The following CELF2 variants were observed in gnomAD, a reference collection of about 807,000 sequenced individuals.
CELF2 encodes the protein CUGBP Elav-like family member 2.
In CELF2, 8 loss-of-function variants were observed where a neutral mutation model predicts 62.6. The ratio of observed to expected loss-of-function variants is 0.13; its 90% CI spans 0.07 to 0.23. The LOEUF (loss-of-function observed/expected upper bound fraction) is 0.23, where lower values mean the gene tolerates loss of function less well. Ranked by LOEUF, CELF2 falls within the 10% of genes least tolerant of loss-of-function variation. The probability of loss-of-function intolerance (pLI) is 1.00; values close to 1 mark genes in which losing one functional copy is unlikely to be tolerated. For missense variants in CELF2, 333 were observed against 671.0 expected, an observed-to-expected ratio of 0.50 and a Z score of 5.56; for synonymous variants, 258 against 250.0, an observed-to-expected ratio of 1.03 and a Z score of -0.30.
rs890063734 is a variant in CELF2 at position 11,260,729 on chromosome 10, G to A, written c.538+2857G>A. On this transcript the variant is annotated intron_variant, in intron 5 of 12. Transcript: ENST00000633077. This position sits in a 1 kb window ranked among gnomAD's most constrained non-coding sequence, Gnocchi z 4.2. Reference sequence around the variant, plus strand: ...CCCTGTTGCAAAAAAAGAAAAATAAGAAAGAAAGAAAATACTCATTTATAA... The same window carrying A: ...CCCTGTTGCAAAAAAAGAAAAATAAAAAAGAAAGAAAATACTCATTTATAA... Among the ~76,000 whole-genome samples, 1 of 151,298 alleles carries A rather than the reference G, an allele frequency of 6.6e-6. No homozygotes were observed. The highest frequency in any genetic ancestry group is 2.4e-5 in the African/African-American group (1 of 41,048).
At chr10:10,858,713 T>G (rs908907633) in intron 1 of CELF2, among the ~76,000 whole-genome samples, 2 of 152,060 alleles carry the variant, frequency 1.3e-5, no homozygotes, top group Admixed American at 6.6e-5. Context: ...TGAATGAAAG[T>G]ATGTTGTTGA....
chr10:10,662,561 G>A, the CELF2 span, among the ~76,000 whole-genome samples: 2 of 152,280 alleles, frequency 1.3e-5, no homozygotes, highest in East Asian at 1.9e-4. Context: ...AGGCAGATGA[G>A]GAAGCACGTG....
chr10:10,811,422 C>G (rs148731072), intron 1 of CELF2, among the ~76,000 whole-genome samples: 2 of 152,206 alleles, frequency 1.3e-5, no homozygotes, highest in African/African-American at 2.4e-5. Flanking sequence ...TGTGATTAGG[C>G]AACTGGGTGT....
rs975086804 is a variant in CELF2, at chr10:11,223,580, T to C, written c.354+6073T>C. On this transcript the variant is annotated intron_variant, in intron 3 of 12. Transcript: ENST00000633077. The surrounding 1 kb of genome is among the most constrained non-coding windows in gnomAD (Gnocchi z 5.1). ...AGCCAAACAAACAAAATAAGGACTT[T>C]GTTTCTCTTGGAGATGACTTTTTAA... is the stretch of plus-strand genomic sequence containing the variant. Among the ~76,000 whole-genome samples, 2 of 152,228 alleles carry C rather than the reference T, an allele frequency of 1.3e-5. No individual in the cohort carries two copies. Among genetic ancestry groups the C allele is most frequent in the African/African-American group, 4.8e-5 (2 of 41,460 alleles).
the CELF2 span, among the ~76,000 whole-genome samples, chr10:10,755,370 G>A: frequency 2.0e-5 from 3 of 152,198 alleles, no homozygotes; most frequent in Admixed American, 6.5e-5. Flanking sequence ...GCAAGTAACA[G>A]AAAACCCAGC....
the CELF2 span, among the ~76,000 whole-genome samples, chr10:10,598,552 G>A: frequency 6.6e-6 from 1 of 152,036 alleles, no homozygotes; most frequent in African/African-American, 2.4e-5. Flanking sequence ...ACCTGGCTGC[G>A]GTTACAGAGA....
intron 1 of CELF2, among the ~76,000 whole-genome samples, chr10:11,044,341 C>T (rs1338331853): frequency 6.6e-6 from 1 of 152,226 alleles, no homozygotes; most frequent in Non-Finnish European, 1.5e-5. Flanking sequence ...TAGCACAAAA[C>T]AGGAAGTCAG....
At chr10:11,312,420 A>G (rs1282924474) in intron 9 of CELF2, among the ~76,000 whole-genome samples, 1 of 152,250 alleles carries the variant, frequency 6.6e-6, no homozygotes, top group Non-Finnish European at 1.5e-5. Context: ...AAACCAAGCT[A>G]CAAGTAAAAT....
intron 2 of CELF2, among the ~76,000 whole-genome samples, chr10:11,175,579 A>G (rs1036554067): frequency 3.9e-5 from 6 of 152,192 alleles, no homozygotes; most frequent in Non-Finnish European, 7.3e-5. Context: ...AGCATGTTAC[A>G]AAAGTTAAGG....
intron 8 of CELF2, among the ~76,000 whole-genome samples, chr10:11,281,133 G>T (rs541722542): frequency 6.6e-6 from 1 of 152,104 alleles, no homozygotes; most frequent in Non-Finnish European, 1.5e-5. Flanking sequence ...AGGCTGTCAT[G>T]CAGTGATTTT....
At chr10:10,708,062 G>A in the CELF2 span, among the ~76,000 whole-genome samples, 1 of 152,128 alleles carries the variant, frequency 6.6e-6, no homozygotes, top group Admixed American at 6.6e-5. Flanking sequence ...TATAAACAAA[G>A]GCTTTAGGAG....
intron 2 of CELF2, among the ~76,000 whole-genome samples, chr10:11,200,046 T>A (rs12241115): frequency 0.027 from 4,188 of 152,318 alleles, 202 homozygotes; most frequent in African/African-American, 0.096. Flanking sequence ...ACACGCCTTC[T>A]GGATTTCTAG....
chr10:10,617,687 T>TA, the CELF2 span, among the ~76,000 whole-genome samples: 1 of 144,110 alleles, frequency 6.9e-6, no homozygotes, highest in Non-Finnish European at 1.5e-5. Flanking sequence ...GCAGAGACTC[T>TA]AAAGGGCCTT....
At chr10:10,754,303 C>T in the CELF2 span, among the ~76,000 whole-genome samples, 1 of 151,862 alleles carries the variant, frequency 6.6e-6, no homozygotes, top group Non-Finnish European at 1.5e-5. Flanking sequence ...TGCCTCGATG[C>T]CTGGCCAATA....
At chr10:10,535,867 A>G in the CELF2 span, among the ~76,000 whole-genome samples, 1 of 152,188 alleles carries the variant, frequency 6.6e-6, no homozygotes, top group Non-Finnish European at 1.5e-5. Flanking sequence ...AAGGTGTTAC[A>G]TAATGATGAG....
At chr10:11,070,819 T>A (rs2069710516) in intron 1 of CELF2, among the ~76,000 whole-genome samples, 1 of 152,128 alleles carries the variant, frequency 6.6e-6, no homozygotes, top group South Asian at 2.1e-4. Context: ...CAGTTGCTAC[T>A]AAGGAGTCTA....
chr10:10,631,034 A>C, the CELF2 span, among the ~76,000 whole-genome samples: 3 of 152,194 alleles, frequency 2.0e-5, no homozygotes, highest in East Asian at 5.8e-4. Context: ...AAGATTCTCA[A>C]CTATAGTGCG....
chr10:10,785,775 A>G, the CELF2 span, among the ~76,000 whole-genome samples: 6 of 152,198 alleles, frequency 3.9e-5, no homozygotes, highest in Non-Finnish European at 8.8e-5. Flanking sequence ...ACAAAACTTC[A>G]GTTAGGAGAA....
At chr10:10,505,791 T>C in the CELF2 span, among the ~76,000 whole-genome samples, 11 of 152,208 alleles carry the variant, frequency 7.2e-5, no homozygotes, top group Non-Finnish European at 1.2e-4. Flanking sequence ...GCTGCTGCTT[T>C]TCTGATCATT....
Sources: allele counts gnomAD v4.1 joint callset (sites outside exome capture counted in the v4.1 genomes callset), GRCh38; gene constraint gnomAD v4.1.1; non-coding constraint Gnocchi (gnomAD v3.1); transcripts MANE v1.5; gene names NCBI Gene and HGNC (gene_info 2026-07-23, HGNC 2026-07-21).